SPAG16: variants seen among roughly 807,000 people sequenced by gnomAD.
SPAG16 encodes the protein sperm associated antigen 16.
A neutral mutation model predicts 80.4 loss-of-function variants in SPAG16; 86 were observed. The observed-to-expected ratio is 1.07, with a 90% CI of 0.90 to 1.28. The LOEUF (loss-of-function observed/expected upper bound fraction) is 1.28, where lower values mean the gene tolerates loss of function less well. Among genes scored for constraint, SPAG16 ranks in the 50% most tolerant of loss-of-function variants. SPAG16 has a pLI of 0.00. For missense variants in SPAG16, 870 were observed against 765.3 expected (o/e 1.14, Z -1.61); for synonymous variants, 294 against 265.9 (o/e 1.11, Z -1.03).
intron 11 of SPAG16, among the ~76,000 whole-genome samples, chr2:213,866,967 G>A (rs947768968): frequency 6.6e-6 from 1 of 151,226 alleles, no homozygotes; most frequent in Non-Finnish European, 1.5e-5. Context: ...CAAACAGAAG[G>A]CATTTAAAAA....
chr2:214,279,160 G>A lies in SPAG16; in HGVS notation c.1720+129894G>A, dbSNP rs375928450. Among the ~76,000 whole-genome samples the A allele has an allele frequency of 1.8e-4, 26 of 147,584 alleles. 1 individual carries two copies. The highest frequency in any genetic ancestry group is 2.4e-4 in the Non-Finnish European group (16 of 67,584). Reference sequence around the variant, plus strand: ...TCTTCAGGTTGGAGTGCAGTGGCACGATCTCAGCTCACTGCAACCTCCGCC... The same window carrying A: ...TCTTCAGGTTGGAGTGCAGTGGCACAATCTCAGCTCACTGCAACCTCCGCC... On this transcript the variant is annotated intron_variant, in intron 15 of 15. Transcript: ENST00000331683.
chr2:213,448,585 A>C lies in SPAG16; in HGVS notation c.943-41378A>C, dbSNP rs974299049. On this transcript the variant is annotated intron_variant, in intron 9 of 15. Transcript: ENST00000331683. ...ATGAACAAGCCTTCATCCCCATGGC[A>C]TATTTATATAAAAAGAAAGGGAGAA... 2.0e-5 allele frequency among the ~76,000 whole-genome samples: 3 copies of C among 152,208 alleles called. No individual in the cohort carries two copies. In the South Asian group the frequency reaches 6.2e-4, roughly 31 times the overall value.
chr2:214,084,433 C>T (rs755445415), intron 13 of SPAG16, among the ~76,000 whole-genome samples: 1 of 152,042 alleles, frequency 6.6e-6, no homozygotes, highest in Non-Finnish European at 1.5e-5. Flanking sequence ...TTTCTCACAC[C>T]TTACAACATG....
intron 10 of SPAG16, among the ~76,000 whole-genome samples, chr2:213,748,041 T>C (rs1055722402): frequency 1.3e-5 from 2 of 152,228 alleles, no homozygotes; most frequent in Admixed American, 1.3e-4. Flanking sequence ...TTAAAAAAGT[T>C]ATTGACTTAA....
intron 9 of SPAG16, among the ~76,000 whole-genome samples, chr2:213,479,093 C>CTTTTTTTTT (rs1559173970): frequency 2.6e-5 from 3 of 115,654 alleles, no homozygotes; most frequent in African/African-American, 1.1e-4. Flanking sequence ...ACACTGGCTT[C>CTTTTTTTTT]CTTTTTTTTT....
rs372038852 is a variant in SPAG16, at chr2:213,440,604, T to G, written c.943-49359T>G. Among the ~76,000 whole-genome samples the G allele has an allele frequency of 4.6e-5, 7 of 152,130 alleles. No individual in the cohort carries two copies. The South Asian group carries it at 1.0e-3, about 23-fold the overall frequency. On this transcript the variant is annotated intron_variant, in intron 9 of 15. Coordinates refer to ENST00000331683, the MANE Select transcript of SPAG16 (RefSeq NM_024532.5). The stretch of plus-strand genomic sequence containing the variant: ...ACAACAAATAGTCAATGTAACAGAA[T>G]AAGAAGATGAGAAAGAGATCCATGC...
chr2:213,422,903 A>G (rs529774494), intron 9 of SPAG16, among the ~76,000 whole-genome samples: 1 of 152,246 alleles, frequency 6.6e-6, no homozygotes, highest in Non-Finnish European at 1.5e-5. Flanking sequence ...TCCTTAGTCT[A>G]TGATGACAGC....
intron 10 of SPAG16, among the ~76,000 whole-genome samples, chr2:213,707,677 G>A (rs574802076): frequency 6.6e-6 from 1 of 152,126 alleles, no homozygotes; most frequent in South Asian, 2.1e-4. Context: ...TTTATTGAAT[G>A]AATGATTCAA....
At chr2:213,686,063 A>G (rs1292980309) in intron 10 of SPAG16, among the ~76,000 whole-genome samples, 1 of 152,248 alleles carries the variant, frequency 6.6e-6, no homozygotes, top group East Asian at 1.9e-4. Flanking sequence ...CTCATATCCA[A>G]TAATCCAATA....
At chr2:214,229,700 G>T (rs567826214) in intron 15 of SPAG16, among the ~76,000 whole-genome samples, 1 of 151,676 alleles carries the variant, frequency 6.6e-6, no homozygotes, top group Admixed American at 6.6e-5. Flanking sequence ...TTTTATATTT[G>T]TGGGAATCAG....
intron 13 of SPAG16, among the ~76,000 whole-genome samples, chr2:214,049,434 T>A (rs1270926264): frequency 6.6e-6 from 1 of 152,198 alleles, no homozygotes; most frequent in South Asian, 2.1e-4. Context: ...CTTTCAGAAG[T>A]GACAGTGCTA....
intron 15 of SPAG16, among the ~76,000 whole-genome samples, chr2:214,156,201 G>T (rs995185943): frequency 1.3e-5 from 2 of 152,144 alleles, no homozygotes; most frequent in Non-Finnish European, 2.9e-5. Flanking sequence ...TTATCTTCCA[G>T]GTTTCTGATA....
rs141969738 is a variant in SPAG16, at chr2:213,655,064, A to G, written c.1070+164974A>G. 3.2e-3 allele frequency among the ~76,000 whole-genome samples: 482 copies of G among 152,306 alleles called. 2 individuals are homozygous for G. The highest frequency in any genetic ancestry group is 0.011 in the African/African-American group (449 of 41,564). ...ACAATGGTGGGTACATGTCATCATA[A>G]ATTTGTCCAAACCCATAGAATGCAT... On this transcript the variant is annotated intron_variant, in intron 10 of 15. Coordinates refer to ENST00000331683, the MANE Select transcript of SPAG16 (RefSeq NM_024532.5).
At chr2:214,119,811 T>C (rs749446769) in intron 14 of SPAG16, among the ~76,000 whole-genome samples, 1 of 151,998 alleles carries the variant, frequency 6.6e-6, no homozygotes, top group East Asian at 1.9e-4. Context: ...GGTAGTAAAC[T>C]TTTTTTGGTC....
At chr2:213,869,745 A>G (rs1053193211) in intron 11 of SPAG16, among the ~76,000 whole-genome samples, 7 of 151,952 alleles carry the variant, frequency 4.6e-5, no homozygotes, top group East Asian at 1.9e-4. Flanking sequence ...CTACAACTCA[A>G]TGAAAACCAC....
chr2:214,310,024 T>A (rs980666125), intron 15 of SPAG16, among the ~76,000 whole-genome samples: 10 of 152,190 alleles, frequency 6.6e-5, no homozygotes, highest in African/African-American at 2.4e-4. Context: ...TTATCTGTCA[T>A]TTTCAAATTT....
intron 10 of SPAG16, among the ~76,000 whole-genome samples, chr2:213,823,006 T>C (rs71498374): frequency 6.6e-6 from 1 of 152,204 alleles, no homozygotes; most frequent in Non-Finnish European, 1.5e-5. Context: ...TCCATGTCTT[T>C]GCTATTGTAA....
At chr2:213,367,933 A>G (rs1277587819) in intron 8 of SPAG16, among the ~76,000 whole-genome samples, 7 of 144,542 alleles carry the variant, frequency 4.8e-5, no homozygotes, top group African/African-American at 1.3e-4. Context: ...CTAACATTTA[A>G]GTCTTTAATC....
intron 3 of SPAG16, among the ~76,000 whole-genome samples, chr2:213,303,102 A>G (rs2062810305): frequency 6.6e-6 from 1 of 152,070 alleles, no homozygotes; most frequent in Admixed American, 6.6e-5. Flanking sequence ...AATTATATAT[A>G]ATTTCCTGTG....
Sources: allele counts gnomAD v4.1 joint callset (sites outside exome capture counted in the v4.1 genomes callset), GRCh38; gene constraint gnomAD v4.1.1; transcripts MANE v1.5; gene names NCBI Gene and HGNC (gene_info 2026-07-23, HGNC 2026-07-21).